Variants in CCDC85A observed in about 807,000 individuals in gnomAD.
CCDC85A encodes coiled-coil domain-containing protein 85A.
CCDC85A carries 38 observed loss-of-function variants against 50.2 expected under a neutral mutation model. That is an observed-to-expected ratio of 0.76 (90% CI 0.58 to 0.99). CCDC85A has a LOEUF of 0.99. CCDC85A is among the 50% of genes least tolerant of loss of function. The pLI is 0.00. For synonymous variants in CCDC85A, 366 were observed against 301.4 expected (o/e 1.21, Z -2.22); for missense variants, 820 against 742.0 (o/e 1.11, Z -1.22).
At chr2:56,193,528 A>G in intron 2 of CCDC85A, 88 bp downstream of exon 2, 2 of 1,407,538 alleles carry the variant, frequency 1.4e-6, no homozygotes, top group Non-Finnish European at 1.9e-6. Context: ...CCATGTAAGA[A>G]AGTGCAGGCG....
chr2:56,290,799 G>A (rs1469319380), intron 2 of CCDC85A, among the ~76,000 whole-genome samples: 2 of 152,252 alleles, frequency 1.3e-5, no homozygotes, highest in Non-Finnish European at 1.5e-5. Flanking sequence ...TCTATTTTGA[G>A]GTATACTAGT....
At chr2:56,356,912 A>C (rs922545593) in intron 3 of CCDC85A, among the ~76,000 whole-genome samples, 4 of 151,394 alleles carry the variant, frequency 2.6e-5, no homozygotes, top group Admixed American at 2.0e-4. Context: ...TACTAAAAAA[A>C]CCAAAAAAAC....
intron 3 of CCDC85A, among the ~76,000 whole-genome samples, chr2:56,364,334 A>AT (rs11395464): frequency 0.51 from 77,433 of 151,768 alleles, 20,811 homozygotes; most frequent in East Asian, 0.78. Flanking sequence ...ATTTCGTTTT[A>AT]TTTTTTCTGG....
At chr2:56,268,418 A>G (rs1217452376) in intron 2 of CCDC85A, among the ~76,000 whole-genome samples, 1 of 152,056 alleles carries the variant, frequency 6.6e-6, no homozygotes, top group Non-Finnish European at 1.5e-5. Context: ...CACGGCTGAA[A>G]CCCTGTCTCT....
intron 2 of CCDC85A, among the ~76,000 whole-genome samples, chr2:56,309,927 C>A (rs778171396): frequency 2.8e-4 from 43 of 152,006 alleles, no homozygotes; most frequent in Non-Finnish European, 5.6e-4. Context: ...GCACTTTGCC[C>A]GAGAGAGAAA....
chr2:56,235,984 A>G (rs1190741769), intron 2 of CCDC85A, among the ~76,000 whole-genome samples: 1 of 152,194 alleles, frequency 6.6e-6, no homozygotes, highest in Non-Finnish European at 1.5e-5. Context: ...CCAACTAGCA[A>G]GGGATCAAAG....
At chr2:56,252,757 G>A (rs1190534054) in intron 2 of CCDC85A, among the ~76,000 whole-genome samples, 3 of 152,030 alleles carry the variant, frequency 2.0e-5, no homozygotes, top group Non-Finnish European at 2.9e-5. Flanking sequence ...ATGTGTTCTC[G>A]TTGCTCAACT....
chr2:56,322,805 A>G (rs1450282444), intron 2 of CCDC85A, among the ~76,000 whole-genome samples: 1 of 152,158 alleles, frequency 6.6e-6, no homozygotes, highest in East Asian at 1.9e-4. Flanking sequence ...CATATACCCA[A>G]AGGATTATAA....
intron 2 of CCDC85A, among the ~76,000 whole-genome samples, chr2:56,307,978 T>A (rs988616024): frequency 3.3e-5 from 5 of 152,194 alleles, no homozygotes; most frequent in African/African-American, 1.2e-4. Context: ...AACACTTAAG[T>A]GTCTTTAGGA....
At chr2:56,237,342 TG>T (rs1669064097) in intron 2 of CCDC85A, among the ~76,000 whole-genome samples, 1 of 152,206 alleles carries the variant, frequency 6.6e-6, no homozygotes, top group Non-Finnish European at 1.5e-5. Flanking sequence ...CCAGCTCATT[TG>T]GTTGGGAAAG....
intron 2 of CCDC85A, among the ~76,000 whole-genome samples, chr2:56,212,010 C>T (rs1677200667): frequency 6.6e-6 from 1 of 152,008 alleles, no homozygotes; most frequent in Non-Finnish European, 1.5e-5. Context: ...ACAGGAGGGC[C>T]TGTAATATCT....
At chr2:56,305,160 A>G (rs1672386870) in intron 2 of CCDC85A, among the ~76,000 whole-genome samples, 1 of 152,104 alleles carries the variant, frequency 6.6e-6, no homozygotes, top group African/African-American at 2.4e-5. Context: ...AAAAAAAAGT[A>G]TAATGGTGGT....
intron 2 of CCDC85A, among the ~76,000 whole-genome samples, chr2:56,219,321 A>G (rs1459882938): frequency 6.6e-6 from 1 of 150,776 alleles, no homozygotes; most frequent in Non-Finnish European, 1.5e-5. Flanking sequence ...AAATATGAAG[A>G]AATAAATGCC....
intron 2 of CCDC85A, among the ~76,000 whole-genome samples, chr2:56,246,632 C>T (rs551098314): frequency 6.6e-6 from 1 of 152,270 alleles, no homozygotes; most frequent in African/African-American, 2.4e-5. Context: ...ACTGTCCTTT[C>T]TCCATTGAAT....
chr2:56,228,822 C>T (rs1170852734), intron 2 of CCDC85A, among the ~76,000 whole-genome samples: 3 of 152,150 alleles, frequency 2.0e-5, no homozygotes, highest in Admixed American at 1.3e-4. Context: ...CATGAGTCAC[C>T]ACACCAGGCC....
intron 2 of CCDC85A, among the ~76,000 whole-genome samples, chr2:56,206,937 T>C (rs1234380486): frequency 6.7e-6 from 1 of 150,294 alleles, no homozygotes; most frequent in Non-Finnish European, 1.5e-5. Context: ...CTGACTAATA[T>C]CTTCTGAGTC....
At chr2:56,290,579 A>G (rs1671658597) in intron 2 of CCDC85A, among the ~76,000 whole-genome samples, 1 of 152,244 alleles carries the variant, frequency 6.6e-6, no homozygotes, top group Non-Finnish European at 1.5e-5. Context: ...TTAACTATCT[A>G]GAAGACAGGC....
chr2:56,249,512 C>A (rs1669656915), intron 2 of CCDC85A, among the ~76,000 whole-genome samples: 2 of 152,200 alleles, frequency 1.3e-5, no homozygotes, highest in Non-Finnish European at 2.9e-5. Flanking sequence ...TGAAGAACAG[C>A]CTCAGAAGAC....
chr2:56,215,508 G>A (rs1242813051), intron 2 of CCDC85A, among the ~76,000 whole-genome samples: 1 of 151,276 alleles, frequency 6.6e-6, no homozygotes, highest in Non-Finnish European at 1.5e-5. Context: ...ACTGTTAAAT[G>A]TGATGTTAAC....
Sources: gnomAD v4.1 joint callset for allele counts (sites outside exome capture counted in the v4.1 genomes callset) on GRCh38, gnomAD v4.1.1 for gene constraint, MANE v1.5 for transcripts, NCBI Gene and HGNC (gene_info 2026-07-23, HGNC 2026-07-21) for gene names.